The following ZNF346 variants were observed in gnomAD, a reference collection of about 807,000 sequenced individuals.
ZNF346 encodes double-stranded RNA-binding zinc finger protein JAZ.
A neutral mutation model predicts 33.7 loss-of-function variants in ZNF346; 23 were observed. The ratio of observed to expected loss-of-function variants is 0.68; its 90% CI spans 0.49 to 0.97. The LOEUF is 0.97. ZNF346 is among the 50% of genes least tolerant of loss of function. ZNF346 has a pLI of 0.00. For missense variants in ZNF346, 340 were observed against 371.1 expected (o/e 0.92, Z 0.69); for synonymous variants, 134 against 142.4 (o/e 0.94, Z 0.42).
chr5:177,043,713 G>A lies in ZNF346; in HGVS notation c.373-676G>A, dbSNP rs576761939. 2.6e-4 allele frequency among the ~76,000 whole-genome samples: 39 copies of A among 151,926 alleles called. No homozygotes were observed. The South Asian group carries it at 5.4e-3, about 21-fold the overall frequency. On this transcript the variant is annotated intron_variant, in intron 3 of 6. Coordinates refer to ENST00000358149, the MANE Select transcript of ZNF346 (RefSeq NM_012279.4). ...CTGGAGGTGGAGGTTGCAGTGAGCC[G>A]AGATCGTGCCACTGCACTCCAGCCT...
chr5:177,079,132 C>T (rs1249252593), intron 8 of ZNF346, among the ~76,000 whole-genome samples: 6 of 151,814 alleles, frequency 4.0e-5, no homozygotes, highest in South Asian at 4.2e-4. Flanking sequence ...ATTACCCAGC[C>T]GTGGTGGCTT....
At chr5:177,068,050 G>GTCTCTAC (rs1554159199), downstream of ZNF346, among the ~76,000 whole-genome samples, 2 of 119,458 alleles carry the variant, frequency 1.7e-5, no homozygotes, top group Admixed American at 7.7e-5. Context: ...AAAATGGAGA[G>GTCTCTAC]TAGAATCCAG....
At chr5:177,046,117 C>T (rs546016093) in intron 4 of ZNF346, among the ~76,000 whole-genome samples, 40 of 151,900 alleles carry the variant, frequency 2.6e-4, no homozygotes, top group African/African-American at 9.2e-4. Flanking sequence ...CTGGTCAACA[C>T]GGTGAAACCC....
chr5:177,022,780 C>G lies in ZNF346; in HGVS notation c.42C>G (p.Gly14=). 6.5e-7 allele frequency: 1 copy of G among 1,549,520 alleles called. No individual in the cohort carries two copies. The highest frequency in any genetic ancestry group is 8.7e-7 in the Non-Finnish European group (1 of 1,149,512). Residue 14 remains glycine, a synonymous_variant, in exon 1 of 7, where the codon GGC becomes GGG. Transcript: ENST00000358149. ...PAPATVQAAD[G]GAAGPYSSSE... is the part of the protein sequence containing the mutation. ...CGGCCACGGTGCAGGCCGCGGACGG[C>G]GGAGCGGCCGGGCCTTACAGCAGCT...
chr5:177,031,369 A>G (rs1444115652), intron 1 of ZNF346, among the ~76,000 whole-genome samples: 1 of 152,220 alleles, frequency 6.6e-6, no homozygotes, highest in Non-Finnish European at 1.5e-5. Flanking sequence ...TTGGCTGGAT[A>G]TAGAATTCTT....
chr5:177,042,166 G>T, intron 3 of ZNF346: 1 of 234,536 alleles, frequency 4.3e-6, no homozygotes. Flanking sequence ...ACATATTACC[G>T]CCTAGTGGTT....
chr5:177,040,950 G>A (rs1159410471), intron 1 of ZNF346, among the ~76,000 whole-genome samples, 176 bp from the exon 2 acceptor site: 1 of 152,098 alleles, frequency 6.6e-6, no homozygotes, highest in African/African-American at 2.4e-5. Context: ...TAATAGTGTA[G>A]GTGGTGTGAG....
At position 177,040,896 on chromosome 5, in the gene ZNF346, T is replaced by A. The variant is rs553182047; in HGVS notation, c.176-230T>A. The stretch of plus-strand genomic sequence containing the variant: ...TCTAAAGATTCCTTTTTAAAAGAAG[T>A]TCCTAAGTAAAGAAAGTTGGCATAC... On this transcript the variant is annotated intron_variant, in intron 1 of 6. Transcript: ENST00000358149. 2.0e-5 allele frequency among the ~76,000 whole-genome samples: 3 copies of A among 152,250 alleles called. No individual in the cohort carries two copies. In the East Asian group the frequency reaches 5.8e-4, roughly 29 times the overall value.
intron 8 of ZNF346, among the ~76,000 whole-genome samples, chr5:177,078,507 CA>C (rs964492674): frequency 6.6e-6 from 1 of 152,188 alleles, no homozygotes; most frequent in Non-Finnish European, 1.5e-5. Context: ...GGAGTGGCAG[CA>C]CAGTGGCACA....
At chr5:177,071,700 AG>A (rs201000565), downstream of ZNF346, among the ~76,000 whole-genome samples, 2 of 146,170 alleles carry the variant, frequency 1.4e-5, no homozygotes, top group African/African-American at 5.3e-5. Flanking sequence ...AAAAAAAAGA[AG>A]AAGAAGAAGA....
chr5:177,060,792 G>A (rs1355531814), intron 5 of ZNF346, among the ~76,000 whole-genome samples: 2 of 149,820 alleles, frequency 1.3e-5, no homozygotes, highest in Non-Finnish European at 3.0e-5. Flanking sequence ...TGGGCAACAA[G>A]AGCAAAACTC....
At position 177,064,791 on chromosome 5, in the gene ZNF346, TGTA is replaced by T; in HGVS notation, c.*194_*196del. ...TGCTGCTCCCCTTTGGCAGGGGTCC[TGTA>T]GGTCATGACAGGGGAGGCAAGGGTA... On this transcript the variant is annotated 3_prime_UTR_variant, in exon 7 of 7. Transcript: ENST00000358149. 1 of 595,212 alleles carries T rather than the reference TGTA, an allele frequency of 1.7e-6. No homozygotes were observed. Among genetic ancestry groups the T allele is most frequent in the South Asian group, 2.0e-5 (1 of 48,800 alleles). 36.9% of individuals were successfully genotyped at this position (595,212 alleles called of 1,614,324 possible). A position where few individuals can be genotyped will look rare whatever the true frequency, so the allele number is the denominator to read the frequency against.
At chr5:177,029,783 C>G (rs115161119) in intron 1 of ZNF346, among the ~76,000 whole-genome samples, 1,741 of 152,232 alleles carry the variant, frequency 0.011, 10 homozygotes, top group South Asian at 0.025. Context: ...GTGAGCTGCT[C>G]TAGCAAATTA....
intron 1 of ZNF346, among the ~76,000 whole-genome samples, chr5:177,030,212 G>A (rs1476184840): frequency 3.3e-5 from 5 of 152,016 alleles, no homozygotes; most frequent in Non-Finnish European, 7.4e-5. Context: ...TTTGATACAT[G>A]TTATTCAATT....
At chr5:177,038,155 C>T (rs1422604987) in intron 1 of ZNF346, among the ~76,000 whole-genome samples, 6 of 150,446 alleles carry the variant, frequency 4.0e-5, no homozygotes, top group African/African-American at 1.5e-4. Flanking sequence ...GTGGCACATT[C>T]ACGGCTCACT....
intron 4 of ZNF346, among the ~76,000 whole-genome samples, chr5:177,046,824 T>A (rs1404172738): frequency 2.0e-5 from 3 of 152,150 alleles, no homozygotes; most frequent in Non-Finnish European, 4.4e-5. Flanking sequence ...CTACTTTAAA[T>A]AACTTTCATG....
chr5:177,067,109 T>C lies in ZNF346; in HGVS notation c.*2510T>C, dbSNP rs1783240083. ...TTTAAAAGAAGGTAGCCAGGTGTGG[T>C]GGTGCATTCCTGTAGTCCTGGCTAC... On this transcript the variant is annotated 3_prime_UTR_variant, in exon 7 of 7. Transcript: ENST00000358149. Among the ~76,000 whole-genome samples, 2 of 152,078 alleles carry C rather than the reference T, an allele frequency of 1.3e-5. No homozygotes were observed. The highest frequency in any genetic ancestry group is 6.6e-5 in the Admixed American group (1 of 15,242).
chr5:177,055,650 G>A (rs1023578290), intron 5 of ZNF346, among the ~76,000 whole-genome samples: 6 of 149,374 alleles, frequency 4.0e-5, no homozygotes, highest in Non-Finnish European at 7.4e-5. Flanking sequence ...GATTAAAATC[G>A]AAAACTAGGG....
chr5:177,029,829 T>C (rs1293184162), intron 1 of ZNF346, among the ~76,000 whole-genome samples: 1 of 152,214 alleles, frequency 6.6e-6, no homozygotes, highest in African/African-American at 2.4e-5. Flanking sequence ...CCTCGATTTA[T>C]AGCCGGTTGG....
Sources: allele counts gnomAD v4.1 joint callset (sites outside exome capture counted in the v4.1 genomes callset), GRCh38; gene constraint gnomAD v4.1.1; transcripts MANE v1.5; gene names NCBI Gene and HGNC (gene_info 2026-07-23, HGNC 2026-07-21).